METTL25B: variants seen among roughly 807,000 people sequenced by gnomAD.
METTL25B encodes the protein methyltransferase-like protein 25B.
In METTL25B, 38 loss-of-function variants were observed where a neutral mutation model predicts 48.4. The ratio of observed to expected loss-of-function variants is 0.78; its 90% CI spans 0.61 to 1.03. The LOEUF is 1.03. Ranked by LOEUF, METTL25B falls within the 50% of genes least tolerant of loss-of-function variation. The probability of loss-of-function intolerance (pLI) is 0.00; values close to 1 mark genes in which losing one functional copy is unlikely to be tolerated. For synonymous variants in METTL25B, 230 were observed against 254.5 expected, an observed-to-expected ratio of 0.90 and a Z score of 0.92; for missense variants, 537 against 603.7, an observed-to-expected ratio of 0.89 and a Z score of 1.16.
In METTL25B at chr1:156,728,898, C is replaced by CGTCACAG; in HGVS notation, c.-204_-203insACAGGTC. On this transcript the variant is annotated 5_prime_UTR_variant, in exon 1 of 8. Transcript: ENST00000368216. ...ACGCTGACACCTTCTCACTGTGAAA[C>CGTCACAG]GTCGCGACCTGTGACGTCTGGGGGG... 1 of 598,210 alleles carries CGTCACAG rather than the reference C, an allele frequency of 1.7e-6. No homozygotes were observed. The highest frequency in any genetic ancestry group is 2.7e-6 in the Non-Finnish European group (1 of 374,512). 37.1% of individuals were successfully genotyped at this position (598,210 alleles called of 1,614,324 possible). A position where few individuals can be genotyped will look rare whatever the true frequency, so the allele number is the denominator to read the frequency against.
At position 156,736,650 on chromosome 1, in the gene METTL25B, T is replaced by C. The variant is rs761902145; in HGVS notation, c.1325T>C (p.Leu442Pro). Residue 442 changes from leucine to proline, a missense_variant, in exon 8 of 8, where the codon CTG (leucine) becomes CCG (proline). Transcript: ENST00000368216. The part of the protein sequence containing the change: ...LQEQGFHAEL[L>P]PIFSPELSPR... ...CTCCCAGGTTTCCATGCTGAGCTCC[T>C]GCCCATCTTCAGTCCTGAACTCTCT... The C allele has an allele frequency of 6.2e-7, 1 of 1,614,098 alleles. No individual in the cohort carries two copies. The highest frequency in any genetic ancestry group is 1.1e-5 in the South Asian group (1 of 91,090).
rs780937498 is a variant in METTL25B, at chr1:156,734,476, C to T, written c.1104C>T (p.His368=). Residue 368 remains histidine, a synonymous_variant, in exon 6 of 8, where the codon CAC becomes CAT. Coordinates refer to ENST00000368216, the MANE Select transcript of METTL25B (RefSeq NM_015997.4). The part of the protein sequence containing the change: ...RPGVQGIPRV[H]ELKIEEYVQR... Reference sequence around the variant, plus strand: ...GCGTGCAGGGTATCCCCAGGGTCCACGAGCTCAAGATTGAAGAGTGAGGTT... The same window carrying T: ...GCGTGCAGGGTATCCCCAGGGTCCATGAGCTCAAGATTGAAGAGTGAGGTT... 1.2e-4 allele frequency: 186 copies of T among 1,592,568 alleles called. No homozygotes were observed. The highest frequency in any genetic ancestry group is 5.4e-4 in the Admixed American group (30 of 56,070).
chr1:156,731,433 A>ATTTTTTT (rs1348089498), intron 1 of METTL25B, among the ~76,000 whole-genome samples: 1 of 151,998 alleles, frequency 6.6e-6, no homozygotes, highest in Non-Finnish European at 1.5e-5. Context: ...CAAAGTTATT[A>ATTTTTTT]TTTTTTTTAA....
rs146818149 is a variant in METTL25B, at chr1:156,734,045, G to A, written c.673G>A (p.Val225Met). The change falls in exon 6 of 8, where the codon GTG becomes ATG. Residue 225 changes from valine to methionine, a missense_variant. Coordinates refer to ENST00000368216, the MANE Select transcript of METTL25B (RefSeq NM_015997.4). ...QTSPRHSPHHVVRWVDPTALC... is the reference protein window; with the variant it reads ...QTSPRHSPHHMVRWVDPTALC... ...CAGCCCTCGTCACTCCCCACACCAC[G>A]TGGTTAGGTGGGTAGACCCCACAGC... The A allele has an allele frequency of 4.5e-5, 72 of 1,612,134 alleles. No homozygotes were observed. The African/African-American group carries it at 8.5e-4, about 19-fold the overall frequency.
chr1:156,734,283 G>A lies in METTL25B; in HGVS notation c.911G>A (p.Gly304Glu). The part of the protein sequence containing the change: ...GGYPLSQWVA[G>E]LPGYELPYRL... ...TACCCACTGAGTCAGTGGGTGGCTG[G>A]GCTGCCTGGCTATGAACTGCCCTAC... The change falls in exon 6 of 8, where the codon GGG (glycine) becomes GAG (glutamate). Residue 304 changes from glycine to glutamate, a missense_variant. Coordinates refer to ENST00000368216, the MANE Select transcript of METTL25B (RefSeq NM_015997.4). 1 of 1,614,174 alleles carries A rather than the reference G, an allele frequency of 6.2e-7. No individual in the cohort carries two copies. The highest frequency in any genetic ancestry group is 1.6e-4 in the Middle Eastern group (1 of 6,062).
At chr1:156,732,838 A>G in intron 3 of METTL25B, 147 bp from the exon 4 acceptor site, 2 of 694,834 alleles carry the variant, frequency 2.9e-6, no homozygotes, top group Non-Finnish European at 4.9e-6. Context: ...TCACCCTTAT[A>G]TCTTTCTTTC....
chr1:156,736,171 C>T (rs2102676111), intron 7 of METTL25B: 2 of 317,194 alleles, frequency 6.3e-6, no homozygotes, highest in Non-Finnish European at 1.2e-5. Context: ...AGTTCAAGAC[C>T]AGCGATGGTG....
rs751193921 is a variant in METTL25B, at chr1:156,733,047, G to A, written c.492G>A (p.Gln164=). 6.2e-7 allele frequency: 1 copy of A among 1,613,788 alleles called. No individual in the cohort carries two copies. Among genetic ancestry groups the A allele is most frequent in the Non-Finnish European group, 8.5e-7 (1 of 1,179,812 alleles). The change falls in exon 4 of 8, where the codon CAG becomes CAA. Residue 164 remains glutamine (Q), a splice_region_variant and synonymous_variant. Coordinates refer to ENST00000368216, the MANE Select transcript of METTL25B (RefSeq NM_015997.4). ...AGGTTGTAGACGTGGGCTCAGGCCA[G>A]GTGAGCCAGAGTCTTGATGTACTGT... ...CTQVVDVGSG[Q]GHLSRFMALG... is the part of the protein sequence containing the mutation.
At chr1:156,734,519 C>T (rs1314164151) in intron 6 of METTL25B, 26 bp downstream of exon 6, 2 of 1,513,572 alleles carry the variant, frequency 1.3e-6, no homozygotes, top group African/African-American at 2.8e-5. Flanking sequence ...GGGTGGGGGG[C>T]AGTGGAGAGG....
chr1:156,733,533 T>G lies in METTL25B; in HGVS notation c.636+13T>G, dbSNP rs543249797. On this transcript the variant is annotated intron_variant, in intron 5 of 7. Coordinates refer to ENST00000368216, the MANE Select transcript of METTL25B (RefSeq NM_015997.4). ...GAGGAACCCGCAGGTAGGCCAACCCTTCCTGCGACCTGGACTGCAGGAGCA... is the reference window on the plus strand; with the variant it reads ...GAGGAACCCGCAGGTAGGCCAACCCGTCCTGCGACCTGGACTGCAGGAGCA... The G allele has an allele frequency of 6.2e-7, 1 of 1,612,682 alleles. No individual in the cohort carries two copies. The highest frequency in any genetic ancestry group is 2.2e-5 in the East Asian group (1 of 44,866).
chr1:156,736,677 C>G lies in METTL25B; in HGVS notation c.1352C>G (p.Pro451Arg). The change falls in exon 8 of 8, where the codon CCC becomes CGC. Residue 451 changes from proline (P) to arginine (R), a missense_variant. Transcript: ENST00000368216. ...LLPIFSPELSPRNLVLVATKM... is the reference protein window; with the variant it reads ...LLPIFSPELSRRNLVLVATKM... ...CCCATCTTCAGTCCTGAACTCTCTC[C>G]CAGAAACCTGGTTCTGGTGGCCACC... The G allele has an allele frequency of 6.2e-7, 1 of 1,614,002 alleles. No individual in the cohort carries two copies. The highest frequency in any genetic ancestry group is 8.5e-7 in the Non-Finnish European group (1 of 1,179,978).
In METTL25B at chr1:156,735,931, G is replaced by A. The variant is rs200047973; in HGVS notation, c.1306+22G>A. On this transcript the variant is annotated intron_variant, in intron 7 of 7. Transcript: ENST00000368216. ...CAGGGTGAGGGTGGCCTACAGCAGG[G>A]ACCCAAGGACTATAGTGACTGGGGT... The A allele has an allele frequency of 3.1e-5, 49 of 1,599,694 alleles. No individual in the cohort carries two copies. In the East Asian group the frequency reaches 1.0e-3, roughly 34 times the overall value.
rs765456386 is a variant in METTL25B at position 156,734,295 on chromosome 1, A to G, written c.923A>G (p.Tyr308Cys). The G allele has an allele frequency of 6.8e-6, 11 of 1,614,136 alleles. No individual in the cohort carries two copies. The highest frequency in any genetic ancestry group is 9.3e-6 in the Non-Finnish European group (11 of 1,180,026). Residue 308 changes from tyrosine to cysteine, a missense_variant, in exon 6 of 8, where the codon TAT (tyrosine) becomes TGT (cysteine). Physicochemically the swap from Tyr to Cys is radical, Grantham distance 194. Transcript: ENST00000368216. ...LSQWVAGLPG[Y>C]ELPYRLREGA... ...CAGTGGGTGGCTGGGCTGCCTGGCT[A>G]TGAACTGCCCTACCGGCTTCGGGAG...
rs922997454 is a variant in METTL25B at position 156,732,092 on chromosome 1, G to A, written c.213G>A (p.Met71Ile). Residue 71 changes from methionine (M) to isoleucine (I), a missense_variant, in exon 2 of 8, where the codon ATG becomes ATA. Transcript: ENST00000368216. ...AGCTGGCCACAATGCTGCTGGGGAT[G>A]CCTGGGGAAGGGGAGGTCGTCAGGT... ...PPQLATMLLG[M>I]PGEGEVVRYR... 2 of 1,614,236 alleles carry A rather than the reference G, an allele frequency of 1.2e-6. No homozygotes were observed. Among genetic ancestry groups the A allele is most frequent in the Non-Finnish European group, 1.7e-6 (2 of 1,180,038 alleles).
At position 156,733,019 on chromosome 1, in the gene METTL25B, C is replaced by A. The variant is rs199878809; in HGVS notation, c.464C>A (p.Thr155Asn). The change falls in exon 4 of 8, where the codon ACC becomes AAC. Residue 155 changes from threonine (T) to asparagine (N), a missense_variant. Transcript: ENST00000368216. The part of the protein sequence containing the change: ...VKKLSDFTGC[T>N]QVVDVGSGQG... Reference sequence around the variant, plus strand: ...AAGCTGAGTGATTTCACAGGCTGCACCCAGGTTGTAGACGTGGGCTCAGGC... The same window carrying A: ...AAGCTGAGTGATTTCACAGGCTGCAACCAGGTTGTAGACGTGGGCTCAGGC... 3 of 1,614,144 alleles carry A rather than the reference C, an allele frequency of 1.9e-6. No individual in the cohort carries two copies. The East Asian group carries it at 6.7e-5, about 36-fold the overall frequency.
rs1571510401 is a variant in METTL25B, at chr1:156,732,271, A to G, written c.237-10A>G. ...ACTATTCACTGGAGGCCTCGGCTGG[A>G]CTATCTCAGGTACAGGTCAGTGTGG... On this transcript the variant is annotated splice_polypyrimidine_tract_variant and intron_variant, in intron 2 of 7. Transcript: ENST00000368216. The G allele has an allele frequency of 1.2e-6, 2 of 1,613,352 alleles. No homozygotes were observed. Among genetic ancestry groups the G allele is most frequent in the African/African-American group, 2.7e-5 (2 of 75,028 alleles).
chr1:156,733,054 CAG>C lies in METTL25B; in HGVS notation c.492+10_492+11del, dbSNP rs1202790929. 1.2e-6 allele frequency: 2 copies of C among 1,613,670 alleles called. No individual in the cohort carries two copies. Among genetic ancestry groups the C allele is most frequent in the South Asian group, 1.1e-5 (1 of 91,046 alleles). ...AGACGTGGGCTCAGGCCAGGTGAGC[CAG>C]AGTCTTGATGTACTGTTTTTTTGAG... On this transcript the variant is annotated splice_region_variant and intron_variant, in intron 4 of 7. Transcript: ENST00000368216.
intron 5 of METTL25B, among the ~76,000 whole-genome samples, 161 bp from the exon 6 acceptor site, chr1:156,733,848 C>T (rs1461673257): frequency 6.6e-6 from 1 of 152,210 alleles, no homozygotes; most frequent in Non-Finnish European, 1.5e-5. Flanking sequence ...GGACTTTTCC[C>T]CCTCTCCTGA....
intron 4 of METTL25B, 29 bp from the exon 5 acceptor site, chr1:156,733,348 G>T: frequency 6.2e-7 from 1 of 1,613,630 alleles, no homozygotes; most frequent in South Asian, 1.1e-5. Context: ...CACTGAACAG[G>T]GCTGTTTCCA....
Sources: gnomAD v4.1 joint callset for allele counts (sites outside exome capture counted in the v4.1 genomes callset) on GRCh38, gnomAD v4.1.1 for gene constraint, MANE v1.5 for transcripts, NCBI Gene and HGNC (gene_info 2026-07-23, HGNC 2026-07-21) for gene names.